The following GPC6 variants were observed in gnomAD, a reference collection of about 807,000 sequenced individuals.
GPC6 encodes the protein glypican 6.
Under a neutral mutation model 55.2 loss-of-function variants are expected in GPC6, and 14 were observed. The ratio of observed to expected loss-of-function variants is 0.25; its 90% CI spans 0.17 to 0.40. The LOEUF (loss-of-function observed/expected upper bound fraction) is 0.40. Among genes scored for constraint, GPC6 ranks in the 10% least tolerant of loss-of-function variants. The pLI, the probability that GPC6 is intolerant of heterozygous loss-of-function variation, is 1.00. For synonymous variants in GPC6, 278 were observed against 259.6 expected (o/e 1.07, Z -0.68); for missense variants, 641 against 708.5 (o/e 0.90, Z 1.08).
chr13:93,365,250 C>T (rs1881201925), intron 1 of GPC6, among the ~76,000 whole-genome samples: 1 of 152,044 alleles, frequency 6.6e-6, no homozygotes, highest in African/African-American at 2.4e-5. Flanking sequence ...AAGTACGTGG[C>T]ATTTTTCAGC....
rs56074677 is a variant in GPC6, at chr13:94,339,751, CTTTTTTTTTTTTT to C, written c.1152+33645_1152+33657del. ...TTAAGTCTGCAACCTGCATACTTTC[CTTTTTTTTTTTTT>C]TTTTTTTTTTTTTTTTGAGACAGAG... On this transcript the variant is annotated intron_variant, in intron 6 of 8. Transcript: ENST00000377047. Among the ~76,000 whole-genome samples the C allele has an allele frequency of 8.3e-4, 53 of 63,814 alleles. 2 individuals are homozygous for C. The East Asian group carries it at 0.021, about 26-fold the overall frequency. 41.9% of individuals were successfully genotyped at this position (63,814 alleles called of 152,430 possible). A position where few individuals can be genotyped will look rare whatever the true frequency, so the allele number is the denominator to read the frequency against.
At chr13:93,436,681 A>G (rs916752964) in intron 1 of GPC6, among the ~76,000 whole-genome samples, 1 of 152,130 alleles carries the variant, frequency 6.6e-6, no homozygotes, top group Non-Finnish European at 1.5e-5. Context: ...TATAGCCATG[A>G]AAAAAATGCA....
At chr13:94,154,341 C>T (rs924746253) in intron 4 of GPC6, 16 of 152,052 alleles carry the variant, frequency 1.1e-4, no homozygotes, top group African/African-American at 3.6e-4. Flanking sequence ...CTTTTAAAAT[C>T]GTAGATTCTC....
rs558788706 is a variant in GPC6, at chr13:93,627,044, G to A, written c.319+81623G>A. 2.0e-5 allele frequency among the ~76,000 whole-genome samples: 3 copies of A among 152,152 alleles called. No individual in the cohort carries two copies. In the East Asian group the frequency reaches 5.8e-4, roughly 29 times the overall value. ...TTATACTTTAAGTTCTGGGGTACAT[G>A]TGCAGAACATGCAGTTTTGTTACAT... On this transcript the variant is annotated intron_variant, in intron 2 of 8. Transcript: ENST00000377047.
chr13:94,389,381 A>T (rs1320788920), intron 7 of GPC6, among the ~76,000 whole-genome samples: 1 of 152,128 alleles, frequency 6.6e-6, no homozygotes. Context: ...GAATGATTAG[A>T]TAGGAGGCAG....
At chr13:93,467,509 G>A (rs1266766124) in intron 1 of GPC6, among the ~76,000 whole-genome samples, 5 of 150,964 alleles carry the variant, frequency 3.3e-5, no homozygotes, top group East Asian at 1.9e-4. Context: ...CTGAGGAACA[G>A]TGTGGATTGC....
At chr13:94,150,208 T>C (rs566549846) in intron 4 of GPC6, among the ~76,000 whole-genome samples, 5 of 152,186 alleles carry the variant, frequency 3.3e-5, no homozygotes, top group African/African-American at 9.6e-5. Flanking sequence ...TTCCAGTCAA[T>C]CATGTTTCCT....
chr13:93,774,918 G>C (rs1222969351), intron 2 of GPC6, among the ~76,000 whole-genome samples: 1 of 152,106 alleles, frequency 6.6e-6, no homozygotes, highest in Non-Finnish European at 1.5e-5. Flanking sequence ...TTACCAGAGA[G>C]CTCAGCCAAG....
intron 6 of GPC6, among the ~76,000 whole-genome samples, chr13:94,375,464 C>T (rs1337897781): frequency 6.6e-6 from 1 of 151,994 alleles, no homozygotes; most frequent in Non-Finnish European, 1.5e-5. Context: ...TGGATAAATT[C>T]CTTGACACAT....
intron 4 of GPC6, among the ~76,000 whole-genome samples, chr13:94,117,853 G>A (rs1358738707): frequency 6.6e-6 from 1 of 152,036 alleles, no homozygotes; most frequent in Non-Finnish European, 1.5e-5. Flanking sequence ...GATGATTTCT[G>A]AATATAGATT....
At chr13:93,414,629 C>T (rs932496228) in intron 1 of GPC6, among the ~76,000 whole-genome samples, 11 of 152,040 alleles carry the variant, frequency 7.2e-5, no homozygotes, top group African/African-American at 2.7e-4. Context: ...GAAGAGACTT[C>T]TGGTGGGAAT....
intron 6 of GPC6, among the ~76,000 whole-genome samples, chr13:94,321,874 G>A (rs943307486): frequency 6.6e-6 from 1 of 152,170 alleles, no homozygotes; most frequent in Non-Finnish European, 1.5e-5. Context: ...AACCCTTACT[G>A]TTGGGCTTCT....
At chr13:93,794,194 T>C (rs9524218) in intron 2 of GPC6, among the ~76,000 whole-genome samples, 50,142 of 152,080 alleles carry the variant, frequency 0.33, 8,687 homozygotes, top group African/African-American at 0.43. Flanking sequence ...CAAAGAGAAA[T>C]AGCATTTTTT....
intron 2 of GPC6, among the ~76,000 whole-genome samples, chr13:93,560,427 G>A (rs926944072): frequency 2.0e-5 from 3 of 152,002 alleles, no homozygotes; most frequent in African/African-American, 4.8e-5. Context: ...GGCTGAGTGG[G>A]GAGGATCACT....
At chr13:94,029,852 A>T (rs759886809) in intron 4 of GPC6, among the ~76,000 whole-genome samples, 5 of 152,222 alleles carry the variant, frequency 3.3e-5, no homozygotes, top group Non-Finnish European at 7.3e-5. Flanking sequence ...TGAGTTTCCT[A>T]GATACCGATT....
chr13:93,716,385 C>T (rs1268173300), intron 2 of GPC6, among the ~76,000 whole-genome samples: 2 of 151,420 alleles, frequency 1.3e-5, no homozygotes, highest in African/African-American at 4.8e-5. Flanking sequence ...CCCTGAAGAC[C>T]TTCCAGTGAG....
intron 7 of GPC6, among the ~76,000 whole-genome samples, chr13:94,385,708 A>G (rs754147076): frequency 1.3e-5 from 2 of 152,168 alleles, no homozygotes; most frequent in African/African-American, 2.4e-5. Flanking sequence ...TGGATCACCA[A>G]TAAAGACTTG....
At chr13:93,605,264 T>G (rs1230674266) in intron 2 of GPC6, among the ~76,000 whole-genome samples, 1 of 152,224 alleles carries the variant, frequency 6.6e-6, no homozygotes, top group Non-Finnish European at 1.5e-5. Flanking sequence ...CAACTATAAC[T>G]AAATGAGAGA....
intron 2 of GPC6, among the ~76,000 whole-genome samples, chr13:93,631,299 G>A (rs1261773814): frequency 3.9e-5 from 6 of 152,096 alleles, no homozygotes; most frequent in Non-Finnish European, 8.8e-5. Context: ...ATGAACTTCT[G>A]TGGCTCTACC....
Sources: allele counts gnomAD v4.1 joint callset (sites outside exome capture counted in the v4.1 genomes callset), GRCh38; gene constraint gnomAD v4.1.1; transcripts MANE v1.5; gene names NCBI Gene and HGNC (gene_info 2026-07-23, HGNC 2026-07-21).